TEAD3: variants seen among roughly 807,000 people sequenced by gnomAD.
The protein encoded by TEAD3 is transcriptional enhancer factor TEF-5.
In TEAD3, 15 loss-of-function variants were observed where a neutral mutation model predicts 55.6. The ratio of observed to expected loss-of-function variants is 0.27; its 90% CI spans 0.18 to 0.42. The LOEUF (loss-of-function observed/expected upper bound fraction) is 0.42. TEAD3 is among the 10% of genes least tolerant of loss of function. The probability of loss-of-function intolerance (pLI) is 1.00; values close to 1 mark genes in which losing one functional copy is unlikely to be tolerated. For synonymous variants in TEAD3, 210 were observed against 232.2 expected, an observed-to-expected ratio of 0.90 and a Z score of 0.87; for missense variants, 407 against 576.8, an observed-to-expected ratio of 0.71 and a Z score of 3.01.
chr6:35,486,477 G>T lies in TEAD3; in HGVS notation c.186C>A (p.Asp62Glu), dbSNP rs370631325. 4.3e-6 allele frequency: 7 copies of T among 1,612,948 alleles called. No individual in the cohort carries two copies. The highest frequency in any genetic ancestry group is 2.7e-5 in the African/African-American group (2 of 74,932). ...GGCACGCACCGTACATCTTGCCCTC[G>T]TCTGACAGGATGATCTTCCGCCGGC... Residue 62 changes from aspartate (D) to glutamate (E), a missense_variant, in exon 2 of 13, where the codon GAC (aspartate) becomes GAA (glutamate). Asp to Glu is a conservative substitution (Grantham distance 45, BLOSUM62 2). Transcript: ENST00000639578. The surrounding 1 kb of genome is among the most constrained non-coding windows in gnomAD (Gnocchi z 7.3).
chr6:35,480,833 G>A (rs1356805072), intron 3 of TEAD3, among the ~76,000 whole-genome samples: 2 of 152,010 alleles, frequency 1.3e-5, no homozygotes, highest in Non-Finnish European at 2.9e-5. Context: ...TGTCCTCCCC[G>A]CAAAAAGGGT....
chr6:35,490,496 A>C (rs1768490054), intron 1 of TEAD3, among the ~76,000 whole-genome samples: 1 of 152,212 alleles, frequency 6.6e-6, no homozygotes, highest in Non-Finnish European at 1.5e-5. Context: ...CACTCCCCAC[A>C]CACAGCCATG....
intron 1 of TEAD3, among the ~76,000 whole-genome samples, chr6:35,487,106 C>T (rs181977655): frequency 4.5e-4 from 69 of 152,338 alleles, no homozygotes; most frequent in Non-Finnish European, 9.4e-4. Flanking sequence ...AGGGAAAAGG[C>T]ATTTTCATAT....
chr6:35,474,189 G>GGTGCCCCATCTTCCTGGGGC (rs1768093391), downstream of TEAD3: 1 of 148,016 alleles, frequency 6.8e-6, no homozygotes, highest in Non-Finnish European at 1.5e-5. Flanking sequence ...GGTGCTGGGG[G>GGTGCCCCATCTTCCTGGGGC]GTGCCCCATC....
At position 35,478,535 on chromosome 6, in the gene TEAD3, C is replaced by T. The variant is rs1016039298; in HGVS notation, c.379G>A (p.Ala127Thr). Residue 127 changes from alanine to threonine, a missense_variant, in exon 6 of 13, where the codon GCG becomes ACG. Ala to Thr is a moderately conservative substitution (Grantham distance 58). Transcript: ENST00000639578. ...ACGATCTGGGCAGAGGACATGGACG[C>T]CATGCTCTGAAGGGCTTTGTCCTTG... 3 of 1,603,548 alleles carry T rather than the reference C, an allele frequency of 1.9e-6. No homozygotes were observed. The highest frequency in any genetic ancestry group is 3.4e-5 in the Admixed American group (2 of 58,202).
rs981838151 is a variant in TEAD3 at position 35,488,827 on chromosome 6, G to C, written c.-49-2116C>G. ...CAACCTCCACCTCCTGGGTTCAAGC[G>C]ATTCTCCTGCCTCAGACTCCCATGC... is the stretch of plus-strand genomic sequence containing the variant. On this transcript the variant is annotated intron_variant, in intron 1 of 12. Transcript: ENST00000639578. This position sits in a 1 kb window ranked among gnomAD's most constrained non-coding sequence, Gnocchi z 4.2. Among the ~76,000 whole-genome samples the C allele has an allele frequency of 1.3e-5, 2 of 152,154 alleles. No individual in the cohort carries two copies. Among genetic ancestry groups the C allele is most frequent in the Admixed American group, 6.5e-5 (1 of 15,274 alleles).
chr6:35,475,594 A>C lies in TEAD3; in HGVS notation c.1013T>G (p.Phe338Cys), dbSNP rs746905754. The change falls in exon 11 of 13, where the codon TTT becomes TGT. Residue 338 changes from phenylalanine (F) to cysteine (C), a missense_variant. Coordinates refer to ENST00000639578, the Ensembl canonical transcript of TEAD3. This position sits in a 1 kb window ranked among gnomAD's most constrained non-coding sequence, Gnocchi z 5.4. ...CACCTTCTCTACCACCTGTTTGCCAAAGGAGCACACCTTGGTGGAGACGCT... is the reference window on the plus strand; with the variant it reads ...CACCTTCTCTACCACCTGTTTGCCACAGGAGCACACCTTGGTGGAGACGCT... The C allele has an allele frequency of 1.2e-6, 2 of 1,612,550 alleles. No individual in the cohort carries two copies. Among genetic ancestry groups the C allele is most frequent in the Non-Finnish European group, 1.7e-6 (2 of 1,178,970 alleles).
chr6:35,479,735 C>T (rs1768229118), intron 4 of TEAD3, among the ~76,000 whole-genome samples: 1 of 152,238 alleles, frequency 6.6e-6, no homozygotes. Flanking sequence ...ACTGCCATGC[C>T]CACCTCAATA....
rs1324155276 is a variant in TEAD3, at chr6:35,478,285, G to T, written c.520C>A (p.Pro174Thr). The change falls in exon 7 of 13, where the codon CCC (proline) becomes ACC (threonine). Residue 174 changes from proline to threonine, a missense_variant. Transcript: ENST00000639578. ...AGCCACAATACTCACTCCTGAGAGG[G>T]TCCAGGCTGCTGTCCCAGGAGAGGG... is the stretch of plus-strand genomic sequence containing the variant. 6.2e-6 allele frequency: 10 copies of T among 1,613,544 alleles called. No individual in the cohort carries two copies. The highest frequency in any genetic ancestry group is 8.5e-6 in the Non-Finnish European group (10 of 1,179,888).
intron 7 of TEAD3, 133 bp from the exon 8 acceptor site, chr6:35,477,505 G>T (rs1490802599): frequency 1.1e-5 from 8 of 753,058 alleles, no homozygotes; most frequent in Non-Finnish European, 1.7e-5. Flanking sequence ...ATGCTGAAAA[G>T]CTAACTCGCA....
At position 35,475,175 on chromosome 6, in the gene TEAD3, A is replaced by G. The variant is rs1561802730; in HGVS notation, c.1195-18T>C. 3 of 1,570,920 alleles carry G rather than the reference A, an allele frequency of 1.9e-6. No homozygotes were observed. The highest frequency in any genetic ancestry group is 1.2e-5 in the South Asian group (1 of 86,192). ...GTGACCACCTGGGGGGTGAGCAGGT[A>G]AGAGATTCAGGAGGTCAGGGAGAAA... On this transcript the variant is annotated intron_variant, in intron 12 of 12. Transcript: ENST00000639578. The surrounding 1 kb of genome is among the most constrained non-coding windows in gnomAD (Gnocchi z 5.4).
chr6:35,474,323 G>A (rs1708144608), downstream of TEAD3: 1 of 152,932 alleles, frequency 6.5e-6, no homozygotes, highest in African/African-American at 2.4e-5. Flanking sequence ...CCCTCGATGA[G>A]GCTCCACTCC....
Position 35,491,916 on chromosome 6 carries a change from T to C in TEAD3, c.-50+4982A>G, listed in dbSNP as rs1023987002. Reference sequence around the variant, plus strand: ...GCTGGGGCCGCTGCAGAGGCCCTGGTCCCCCACCCCCACAGACCCTGCAGC... The same window carrying C: ...GCTGGGGCCGCTGCAGAGGCCCTGGCCCCCCACCCCCACAGACCCTGCAGC... On this transcript the variant is annotated intron_variant, in intron 1 of 12. Transcript: ENST00000639578. This position sits in a 1 kb window ranked among gnomAD's most constrained non-coding sequence, Gnocchi z 4.4. 6.6e-6 allele frequency among the ~76,000 whole-genome samples: 1 copy of C among 151,992 alleles called. No homozygotes were observed. The highest frequency in any genetic ancestry group is 6.6e-5 in the Admixed American group (1 of 15,256).
chr6:35,486,847 G>A lies in TEAD3; in HGVS notation c.-49-136C>T. 4 of 623,894 alleles carry A rather than the reference G, an allele frequency of 6.4e-6. No homozygotes were observed. The highest frequency in any genetic ancestry group is 1.1e-5 in the Non-Finnish European group (4 of 359,534). 38.6% of individuals were successfully genotyped at this position (623,894 alleles called of 1,614,324 possible). A position where few individuals can be genotyped will look rare whatever the true frequency, so the allele number is the denominator to read the frequency against. On this transcript the variant is annotated intron_variant, in intron 1 of 12. Coordinates refer to ENST00000639578, the Ensembl canonical transcript of TEAD3. This position sits in a 1 kb window ranked among gnomAD's most constrained non-coding sequence, Gnocchi z 7.3. ...AGGAGCAGGTGCTCCAGGTGGAACG[G>A]AGGTAACCAGAGGAACAACCACAGC...
Position 35,486,670 on chromosome 6 carries a change from G to A in TEAD3, c.-8C>T. The stretch of plus-strand genomic sequence containing the variant: ...CCAGCTGTTGGACGCTATTGTGCTG[G>A]TTGCTCTGGGCTCTGGGCCTGAGCC... On this transcript the variant is annotated 5_prime_UTR_variant, in exon 2 of 13. Coordinates refer to ENST00000639578, the Ensembl canonical transcript of TEAD3. This position sits in a 1 kb window ranked among gnomAD's most constrained non-coding sequence, Gnocchi z 7.3. 3 of 1,611,122 alleles carry A rather than the reference G, an allele frequency of 1.9e-6. No individual in the cohort carries two copies. The highest frequency in any genetic ancestry group is 2.5e-6 in the Non-Finnish European group (3 of 1,179,242).
chr6:35,474,462 C>T (rs1768100860), downstream of TEAD3: 1 of 153,618 alleles, frequency 6.5e-6, no homozygotes, highest in African/African-American at 2.4e-5. Context: ...GTGGGTCCCT[C>T]AACTTCCTGG....
Position 35,486,796 on chromosome 6 carries a change from T to C in TEAD3, c.-49-85A>G. On this transcript the variant is annotated intron_variant, in intron 1 of 12. Transcript: ENST00000639578. The surrounding 1 kb of genome is among the most constrained non-coding windows in gnomAD (Gnocchi z 7.3). ...ATCCCACAGCCGCTGGCTCTGGAGC[T>C]CCGCCCCCAGCCCCAAGCCCACCCT... 1.0e-6 allele frequency: 1 copy of C among 983,384 alleles called. No individual in the cohort carries two copies. The highest frequency in any genetic ancestry group is 1.5e-6 in the Non-Finnish European group (1 of 679,708). 60.9% of individuals were successfully genotyped at this position (983,384 alleles called of 1,614,324 possible).
intron 1 of TEAD3, among the ~76,000 whole-genome samples, chr6:35,490,310 C>A (rs886340563): frequency 6.6e-6 from 1 of 152,144 alleles, no homozygotes; most frequent in Non-Finnish European, 1.5e-5. Context: ...GGGCAGGCGG[C>A]CCCTGGCTGG....
intron 1 of TEAD3, among the ~76,000 whole-genome samples, chr6:35,489,232 C>T (rs544370929): frequency 6.6e-6 from 1 of 152,290 alleles, no homozygotes; most frequent in East Asian, 1.9e-4. Context: ...CACAATAACC[C>T]TATGGGGCAG....
Sources: gnomAD v4.1 joint callset for allele counts (sites outside exome capture counted in the v4.1 genomes callset) on GRCh38, gnomAD v4.1.1 for gene constraint, Gnocchi (gnomAD v3.1) non-coding constraint, MANE v1.5 for transcripts, NCBI Gene and HGNC (gene_info 2026-07-23, HGNC 2026-07-21) for gene names.